The following ADCY2 variants were observed in gnomAD, a reference collection of about 807,000 sequenced individuals.
ADCY2 encodes the protein adenylate cyclase 2, also known as adenylate cyclase type 2.
In ADCY2, 31 loss-of-function variants were observed where a neutral mutation model predicts 125.2. The observed-to-expected ratio is 0.25, with a 90% confidence interval of 0.19 to 0.33. ADCY2 has a LOEUF of 0.33. Ranked by LOEUF, ADCY2 falls within the 10% of genes least tolerant of loss-of-function variation. The probability of loss-of-function intolerance (pLI) is 1.00; values close to 1 mark genes in which losing one functional copy is unlikely to be tolerated. For synonymous variants in ADCY2, 512 were observed against 548.4 expected, an observed-to-expected ratio of 0.93 and a Z score of 0.93; for missense variants, 904 against 1,418.2, an observed-to-expected ratio of 0.64 and a Z score of 5.82.
chr5:7,824,647 C>G (rs1745409883), intron 24 of ADCY2, among the ~76,000 whole-genome samples: 1 of 152,216 alleles, frequency 6.6e-6, no homozygotes. Flanking sequence ...ACATCTGGCA[C>G]CTGTGCCTCC....
chr5:7,822,745 T>C (rs1745341989), intron 24 of ADCY2, among the ~76,000 whole-genome samples: 1 of 151,962 alleles, frequency 6.6e-6, no homozygotes, highest in Non-Finnish European at 1.5e-5. Context: ...TGTGTGTGTG[T>C]CTGTGCTGAA....
chr5:7,640,667 AT>A (rs546500262), intron 4 of ADCY2, among the ~76,000 whole-genome samples: 3,957 of 150,144 alleles, frequency 0.026, 178 homozygotes, highest in African/African-American at 0.091. Flanking sequence ...TGGTAACATT[AT>A]TTTTTTTTTC....
At chr5:7,413,331 G>A (rs555646690) in intron 1 of ADCY2, among the ~76,000 whole-genome samples, 1 of 151,878 alleles carries the variant, frequency 6.6e-6, no homozygotes, top group East Asian at 1.9e-4. Context: ...GTCTCGCTCT[G>A]GCGCCCAGGC....
chr5:7,753,153 T>TC (rs1742878906), intron 15 of ADCY2, among the ~76,000 whole-genome samples: 1 of 152,170 alleles, frequency 6.6e-6, no homozygotes, highest in Non-Finnish European at 1.5e-5. Flanking sequence ...CATCTCAGCC[T>TC]CCCAAAGTGC....
intron 2 of ADCY2, among the ~76,000 whole-genome samples, chr5:7,448,145 C>A (rs938755266): frequency 2.0e-5 from 3 of 152,306 alleles, no homozygotes; most frequent in Admixed American, 6.5e-5. Flanking sequence ...TCCCACAAGA[C>A]CCTGAGGTAG....
chr5:7,721,082 C>T (rs947776866), intron 12 of ADCY2, among the ~76,000 whole-genome samples: 4 of 152,142 alleles, frequency 2.6e-5, no homozygotes, highest in African/African-American at 9.7e-5. Flanking sequence ...TTTTAATGAT[C>T]GTCATTCTAA....
rs780034398 is a variant in ADCY2, at chr5:7,828,033, C to T, written c.*1162C>T. 4.6e-4 allele frequency: 70 copies of T among 152,762 alleles called. No homozygotes were observed. The highest frequency in any genetic ancestry group is 3.5e-4 in the Non-Finnish European group (24 of 68,042). The allele number at this position is 152,762 out of a possible 1,614,324, so 9.5% of individuals were successfully genotyped here. A position where few individuals can be genotyped will look rare whatever the true frequency, so the allele number is the denominator to read the frequency against. On this transcript the variant is annotated 3_prime_UTR_variant, in exon 25 of 25. Coordinates refer to ENST00000338316, the MANE Select transcript of ADCY2 (RefSeq NM_020546.3). ...AAGGCTAAAGAAGACACACAGCCAA[C>T]GTTCATGCATTTTTAAAGACAGAAG...
At chr5:7,652,354 G>A (rs1185476491) in intron 4 of ADCY2, among the ~76,000 whole-genome samples, 1 of 152,156 alleles carries the variant, frequency 6.6e-6, no homozygotes, top group Non-Finnish European at 1.5e-5. Flanking sequence ...GGGAAAGATT[G>A]ATACAAATTG....
chr5:7,412,515 G>A (rs1166256372), intron 1 of ADCY2, among the ~76,000 whole-genome samples: 1 of 152,198 alleles, frequency 6.6e-6, no homozygotes, highest in Non-Finnish European at 1.5e-5. Context: ...GCCGGGGAGT[G>A]CTCGCAGCCT....
chr5:7,583,982 C>T (rs963627547), intron 3 of ADCY2, among the ~76,000 whole-genome samples: 15 of 151,972 alleles, frequency 9.9e-5, no homozygotes, highest in Admixed American at 3.3e-4. Flanking sequence ...GCAAAGTGTA[C>T]TGAGTGATTT....
chr5:7,600,773 A>G (rs1478075426), intron 3 of ADCY2, among the ~76,000 whole-genome samples: 1 of 152,186 alleles, frequency 6.6e-6, no homozygotes, highest in East Asian at 1.9e-4. Flanking sequence ...ATCTGTGGTG[A>G]GTTCCCATTA....
At chr5:7,754,545 A>G (rs1047258253) in intron 15 of ADCY2, among the ~76,000 whole-genome samples, 2 of 152,202 alleles carry the variant, frequency 1.3e-5, no homozygotes, top group Non-Finnish European at 2.9e-5. Flanking sequence ...ACTGTAGTCA[A>G]TCTGGATGTG....
At position 7,520,594 on chromosome 5, in the gene ADCY2, C is replaced by T. The variant is rs188394729; in HGVS notation, c.409-144C>T. 1.3e-5 allele frequency: 11 copies of T among 848,134 alleles called. No individual in the cohort carries two copies. The East Asian group carries it at 1.3e-4, about 10-fold the overall frequency. 52.5% of individuals were successfully genotyped at this position (848,134 alleles called of 1,614,324 possible). On this transcript the variant is annotated intron_variant, in intron 2 of 24. Transcript: ENST00000338316. ...TGTAATCCAGTGGACTTATTTGCAT[C>T]GACTGCCCTATTTTGTCTATAGATT...
chr5:7,695,849 G>C lies in ADCY2; in HGVS notation c.967G>C (p.Asp323His). The C allele has an allele frequency of 1.2e-6, 2 of 1,610,176 alleles. No individual in the cohort carries two copies. Among genetic ancestry groups the C allele is most frequent in the Non-Finnish European group, 1.7e-6 (2 of 1,177,688 alleles). ...GCTGAATGAGCTCTTTGGAAAGTTT[G>C]ATCAAATTGCAAAGGTGAGTATTAT... ...HMLNELFGKF[D>H]QIAKENECMR... Residue 323 changes from aspartate (D) to histidine (H), a missense_variant, in exon 6 of 25, where the codon GAT becomes CAT. This residue lies in a region of ADCY2 where 117 missense variants were observed against 248.0 expected (regional missense o/e 0.47). Coordinates refer to ENST00000338316, the MANE Select transcript of ADCY2 (RefSeq NM_020546.3).
intron 4 of ADCY2, among the ~76,000 whole-genome samples, chr5:7,671,349 A>G (rs978327976): frequency 2.0e-5 from 3 of 152,234 alleles, no homozygotes; most frequent in African/African-American, 7.2e-5. Flanking sequence ...CCCAAAGGCA[A>G]AATGCTACAA....
At position 7,828,481 on chromosome 5, in the gene ADCY2, T is replaced by C. The variant is rs1359371652; in HGVS notation, c.*1610T>C. ...AGCCTGGCAGGTGCCCCGTGGTACATTCACAGCACGGGCACAGCTGCTGTG... is the reference window on the plus strand; with the variant it reads ...AGCCTGGCAGGTGCCCCGTGGTACACTCACAGCACGGGCACAGCTGCTGTG... On this transcript the variant is annotated 3_prime_UTR_variant, in exon 25 of 25. Coordinates refer to ENST00000338316, the MANE Select transcript of ADCY2 (RefSeq NM_020546.3). 1 of 152,214 alleles carries C rather than the reference T, an allele frequency of 6.6e-6. No homozygotes were observed. Among genetic ancestry groups the C allele is most frequent in the East Asian group, 1.9e-4 (1 of 5,202 alleles). 9.4% of individuals were successfully genotyped at this position (152,214 alleles called of 1,614,324 possible). A position where few individuals can be genotyped will look rare whatever the true frequency, so the allele number is the denominator to read the frequency against.
intron 3 of ADCY2, among the ~76,000 whole-genome samples, chr5:7,537,610 C>T (rs747689095): frequency 6.6e-6 from 1 of 152,216 alleles, no homozygotes; most frequent in Non-Finnish European, 1.5e-5. Flanking sequence ...GAATGCATCA[C>T]TTACTGCCTG....
At chr5:7,469,001 G>A (rs561238678) in intron 2 of ADCY2, among the ~76,000 whole-genome samples, 1 of 152,122 alleles carries the variant, frequency 6.6e-6, no homozygotes, top group African/African-American at 2.4e-5. Context: ...GCAGAAGAGT[G>A]GTCAAATCTG....
intron 2 of ADCY2, 34 bp downstream of exon 2, chr5:7,414,804 A>T (rs1423791580): frequency 6.4e-7 from 1 of 1,562,088 alleles, no homozygotes; most frequent in Non-Finnish European, 8.7e-7. Context: ...TACTTCTTTT[A>T]TGTCTTGATT....
Sources: gnomAD v4.1 joint callset for allele counts (sites outside exome capture counted in the v4.1 genomes callset) on GRCh38, gnomAD v4.1.1 for gene constraint, gnomAD v4.1.1 regional missense constraint, MANE v1.5 for transcripts, NCBI Gene and HGNC (gene_info 2026-07-23, HGNC 2026-07-21) for gene names.